The following SCIMP variants were observed in gnomAD, a reference collection of about 807,000 sequenced individuals.
The protein encoded by SCIMP is SLP adapter and CSK-interacting membrane protein.
Under a neutral mutation model 22.0 loss-of-function variants are expected in SCIMP, and 18 were observed. The observed-to-expected ratio is 0.82, with a 90% CI of 0.56 to 1.21. The LOEUF is 1.21. Ranked by LOEUF, SCIMP falls within the 50% of genes most tolerant of loss-of-function variation. SCIMP has a pLI of 0.00. For synonymous variants in SCIMP, 53 were observed against 62.2 expected (o/e 0.85, Z 0.70); for missense variants, 155 against 171.2 (o/e 0.91, Z 0.53).
chr17:5,216,625 C>T (rs1328346891), intron 3 of SCIMP, among the ~76,000 whole-genome samples: 2 of 152,064 alleles, frequency 1.3e-5, no homozygotes, highest in African/African-American at 4.8e-5. Context: ...AAGATCGCGC[C>T]ACTGCACTCC....
In SCIMP at chr17:5,234,788, A is replaced by C. The variant is rs764265685; in HGVS notation, c.-33T>G. The C allele has an allele frequency of 1.2e-6, 2 of 1,601,814 alleles. No individual in the cohort carries two copies. Among genetic ancestry groups the C allele is most frequent in the Non-Finnish European group, 8.5e-7 (1 of 1,174,586 alleles). ...CAGCTAAGGAGACAGCAGTGGCTGGAGTGCTGCAGCTCAGGCACAGCTGGT... is the reference window on the plus strand; with the variant it reads ...CAGCTAAGGAGACAGCAGTGGCTGGCGTGCTGCAGCTCAGGCACAGCTGGT... On this transcript the variant is annotated 5_prime_UTR_variant, in exon 1 of 5. Transcript: ENST00000574081.
intron 1 of SCIMP, among the ~76,000 whole-genome samples, chr17:5,230,240 T>C (rs1203872099): frequency 2.0e-5 from 3 of 152,194 alleles, no homozygotes; most frequent in Non-Finnish European, 4.4e-5. Context: ...AAAAGAGCTC[T>C]GTGTGCAGAA....
chr17:5,222,132 C>T (rs1597289440), intron 2 of SCIMP, among the ~76,000 whole-genome samples: 1 of 151,384 alleles, frequency 6.6e-6, no homozygotes, highest in Non-Finnish European at 1.5e-5. Flanking sequence ...CACTGTCGCC[C>T]AGACTGGAGG....
intron 1 of SCIMP, among the ~76,000 whole-genome samples, chr17:5,232,401 A>AGTG (rs1362596565): frequency 3.2e-3 from 55 of 17,358 alleles, no homozygotes; most frequent in East Asian, 0.018. Flanking sequence ...TATAAACAGT[A>AGTG]TAAACAGTGC....
chr17:5,215,109 G>C, intron 3 of SCIMP, 111 bp from the exon 4 acceptor site: 1 of 726,534 alleles, frequency 1.4e-6, no homozygotes, highest in Non-Finnish European at 2.5e-6. Context: ...TTCAAATCTT[G>C]GTCTCTACTA....
At chr17:5,225,985 C>A (rs887112744) in intron 1 of SCIMP, among the ~76,000 whole-genome samples, 1 of 151,964 alleles carries the variant, frequency 6.6e-6, no homozygotes, top group African/African-American at 2.4e-5. Flanking sequence ...TGGTGTGTGG[C>A]GGAAAAACCC....
chr17:5,229,172 C>A (rs1161402990), intron 1 of SCIMP, among the ~76,000 whole-genome samples: 1 of 152,008 alleles, frequency 6.6e-6, no homozygotes, highest in East Asian at 1.9e-4. Flanking sequence ...TTTCAAGGAA[C>A]ATGAGTGAGC....
intron 3 of SCIMP, among the ~76,000 whole-genome samples, chr17:5,215,848 G>T (rs1397046326): frequency 6.6e-6 from 1 of 152,106 alleles, no homozygotes; most frequent in Non-Finnish European, 1.5e-5. Flanking sequence ...CATAAAATTT[G>T]CCATCACACA....
At chr17:5,217,088 C>T (rs1302532689) in intron 3 of SCIMP, among the ~76,000 whole-genome samples, 4 of 152,106 alleles carry the variant, frequency 2.6e-5, no homozygotes, top group Non-Finnish European at 4.4e-5. Context: ...CTCTCACCAT[C>T]CCTCTGTAGC....
chr17:5,229,425 G>T (rs980569836), intron 1 of SCIMP, among the ~76,000 whole-genome samples: 2 of 103,606 alleles, frequency 1.9e-5, no homozygotes, highest in African/African-American at 7.8e-5. Context: ...ACAGAGTCTT[G>T]CTCTGTTGCC....
intron 4 of SCIMP, 151 bp from the exon 5 acceptor site, chr17:5,211,106 C>T: frequency 7.9e-7 from 1 of 1,263,600 alleles, no homozygotes; most frequent in Non-Finnish European, 1.1e-6. Flanking sequence ...TAGACACAGA[C>T]CTGACAGAGC....
intron 3 of SCIMP, among the ~76,000 whole-genome samples, chr17:5,216,766 A>G (rs1329556817): frequency 6.6e-6 from 1 of 152,240 alleles, no homozygotes; most frequent in African/African-American, 2.4e-5. Context: ...GGCTGTATAA[A>G]GTCAGCCTCT....
At chr17:5,223,543 G>GTT in intron 1 of SCIMP, 87 bp from the exon 2 acceptor site, 52 of 1,211,504 alleles carry the variant, frequency 4.3e-5, no homozygotes, top group Middle Eastern at 4.0e-4. Flanking sequence ...ACTGTGGGTT[G>GTT]TTTTTTTTTT....
At chr17:5,220,279 T>G in intron 3 of SCIMP, among the ~76,000 whole-genome samples, 1 of 152,012 alleles carries the variant, frequency 6.6e-6, no homozygotes, top group East Asian at 1.9e-4. Flanking sequence ...CTGTGACCTT[T>G]GTCAGAATAG....
At chr17:5,219,632 A>G (rs748401859) in intron 3 of SCIMP, among the ~76,000 whole-genome samples, 101 of 152,120 alleles carry the variant, frequency 6.6e-4, no homozygotes, top group Non-Finnish European at 1.2e-3. Context: ...CATCTCGTAA[A>G]TAAATAAATA....
chr17:5,221,674 T>C (rs907978103), intron 2 of SCIMP, among the ~76,000 whole-genome samples: 2 of 152,236 alleles, frequency 1.3e-5, no homozygotes, highest in African/African-American at 2.4e-5. Context: ...CACGTTGTTA[T>C]AAATTATAGC....
rs138111337 is a variant in SCIMP, at chr17:5,217,047, C to T, written c.210-2049G>A. 5.0e-3 allele frequency among the ~76,000 whole-genome samples: 756 copies of T among 152,190 alleles called. 9 individuals carry two copies. Among genetic ancestry groups the T allele is most frequent in the African/African-American group, 0.018 (728 of 41,490 alleles). ...TTTAGGTTGTTAGGTTGAGTGCAGA[C>T]GGGGACATGGGGGTAGAGCTCCACC... On this transcript the variant is annotated intron_variant, in intron 3 of 4. Transcript: ENST00000574081.
intron 1 of SCIMP, among the ~76,000 whole-genome samples, chr17:5,226,577 C>T (rs890130976): frequency 4.0e-5 from 6 of 150,112 alleles, no homozygotes; most frequent in Non-Finnish European, 7.4e-5. Context: ...GTGATCTCGG[C>T]TCACTGCACC....
At chr17:5,217,268 G>A (rs1260338748) in intron 3 of SCIMP, among the ~76,000 whole-genome samples, 3 of 152,206 alleles carry the variant, frequency 2.0e-5, no homozygotes, top group Admixed American at 6.5e-5. Context: ...GAGGTTTTCC[G>A]GAGCTGCCTG....
Sources: allele counts gnomAD v4.1 joint callset (sites outside exome capture counted in the v4.1 genomes callset), GRCh38; gene constraint gnomAD v4.1.1; transcripts MANE v1.5; gene names NCBI Gene and HGNC (gene_info 2026-07-23, HGNC 2026-07-21).